Variants in RYR2 observed in about 807,000 individuals in gnomAD.
The protein encoded by RYR2 is cardiac muscle ryanodine receptor-calcium release channel.
Under a neutral mutation model 601.1 loss-of-function variants are expected in RYR2, and 227 were observed. The observed-to-expected ratio is 0.38, with a 90% CI of 0.34 to 0.42. RYR2 has a LOEUF of 0.42. RYR2 is among the 10% of genes least tolerant of loss of function. The probability of loss-of-function intolerance (pLI) is 1.00; values close to 1 mark genes in which losing one functional copy is unlikely to be tolerated. For synonymous variants in RYR2, 2,223 were observed against 2,175.1 expected, an observed-to-expected ratio of 1.02 and a Z score of -0.61; for missense variants, 4,646 against 6,156.5, an observed-to-expected ratio of 0.75 and a Z score of 8.21.
At chr1:237,759,934 T>A (rs892316506) in intron 83 of RYR2, 82 bp downstream of exon 83, 4 of 838,968 alleles carry the variant, frequency 4.8e-6, no homozygotes, top group Non-Finnish European at 8.0e-6. Flanking sequence ...TGACGATAAT[T>A]GCACATAGAA....
At chr1:237,619,306 C>G (rs1678819991) in intron 38 of RYR2, among the ~76,000 whole-genome samples, 1 of 152,168 alleles carries the variant, frequency 6.6e-6, no homozygotes, top group African/African-American at 2.4e-5. Flanking sequence ...TAGAAAGCCT[C>G]AACGGCAGAG....
chr1:237,725,841 G>T (rs1289771859), intron 74 of RYR2, among the ~76,000 whole-genome samples: 1 of 152,018 alleles, frequency 6.6e-6, no homozygotes, highest in Non-Finnish European at 1.5e-5. Flanking sequence ...AAATATGTTT[G>T]TCAACTGTCA....
At chr1:237,316,267 A>G (rs1379431752) in intron 2 of RYR2, among the ~76,000 whole-genome samples, 3 of 152,178 alleles carry the variant, frequency 2.0e-5, no homozygotes, top group Non-Finnish European at 4.4e-5. Flanking sequence ...AAAAATATAT[A>G]TGAATATATT....
At chr1:237,288,347 C>A (rs1484873441) in intron 2 of RYR2, among the ~76,000 whole-genome samples, 1 of 152,138 alleles carries the variant, frequency 6.6e-6, no homozygotes, top group African/African-American at 2.4e-5. Context: ...TTGGGAGGAA[C>A]TGGCGGTGGG....
At chr1:237,492,543 C>G (rs553408356) in intron 18 of RYR2, among the ~76,000 whole-genome samples, 45 of 152,024 alleles carry the variant, frequency 3.0e-4, no homozygotes, top group Non-Finnish European at 5.6e-4. Flanking sequence ...AGGGGGAATT[C>G]GAATCAGCTG....
At chr1:237,133,997 T>C (rs1050906235) in intron 1 of RYR2, among the ~76,000 whole-genome samples, 1 of 151,892 alleles carries the variant, frequency 6.6e-6, no homozygotes, top group African/African-American at 2.4e-5. Context: ...CCCTTTTGGT[T>C]GTCCACGTTT....
intron 1 of RYR2, among the ~76,000 whole-genome samples, chr1:237,169,434 G>T (rs1677092200): frequency 6.6e-6 from 1 of 151,956 alleles, no homozygotes; most frequent in Non-Finnish European, 1.5e-5. Context: ...GAGTAGCTGG[G>T]ATTACAGGTA....
chr1:237,149,316 A>T (rs966925876), intron 1 of RYR2, among the ~76,000 whole-genome samples: 1 of 152,070 alleles, frequency 6.6e-6, no homozygotes, highest in African/African-American at 2.4e-5. Context: ...CAAAAACAAA[A>T]ACAAAAACAA....
chr1:237,701,389 G>A (rs1238927889), intron 65 of RYR2, among the ~76,000 whole-genome samples: 2 of 151,928 alleles, frequency 1.3e-5, no homozygotes, highest in South Asian at 2.1e-4. Flanking sequence ...AAATTAGCTG[G>A]GCATGATGGT....
intron 38 of RYR2, among the ~76,000 whole-genome samples, chr1:237,621,722 A>T (rs777793136): frequency 1.4e-4 from 22 of 152,340 alleles, no homozygotes; most frequent in Non-Finnish European, 2.8e-4. Context: ...ATGGTACCTC[A>T]TAAATACATA....
intron 20 of RYR2, among the ~76,000 whole-genome samples, chr1:237,497,360 T>C (rs1055778151): frequency 6.6e-6 from 1 of 152,204 alleles, no homozygotes; most frequent in Non-Finnish European, 1.5e-5. Context: ...TGGTTGAGTA[T>C]ATATTAAAAA....
At chr1:237,237,228 G>A (rs1013146605) in intron 1 of RYR2, among the ~76,000 whole-genome samples, 4 of 152,178 alleles carry the variant, frequency 2.6e-5, no homozygotes, top group African/African-American at 9.7e-5. Context: ...TTATAGTGGT[G>A]TGAGAAAAGA....
chr1:237,439,469 A>AG (rs1707698150), intron 12 of RYR2, among the ~76,000 whole-genome samples: 2 of 151,670 alleles, frequency 1.3e-5, no homozygotes, highest in African/African-American at 2.4e-5. Flanking sequence ...ACATGGTGCA[A>AG]TCTGTCTCTA....
chr1:237,607,570 A>G (rs892628377), intron 35 of RYR2, among the ~76,000 whole-genome samples: 11 of 152,332 alleles, frequency 7.2e-5, no homozygotes, highest in Admixed American at 6.5e-5. Flanking sequence ...AAGTTAAAGT[A>G]TAATAAAAAA....
intron 3 of RYR2, 136 bp from the exon 4 acceptor site, chr1:237,355,829 A>G (rs1391385409): frequency 6.9e-6 from 5 of 725,912 alleles, no homozygotes; most frequent in Non-Finnish European, 1.1e-5. Flanking sequence ...CTTGAATACA[A>G]TTTTTTATGC....
intron 17 of RYR2, among the ~76,000 whole-genome samples, chr1:237,483,239 C>T (rs1489821415): frequency 6.6e-6 from 1 of 152,182 alleles, no homozygotes; most frequent in Non-Finnish European, 1.5e-5. Context: ...CATCACTGCT[C>T]CACAAAGGAG....
At chr1:237,721,023 C>T (rs933817314) in intron 73 of RYR2, among the ~76,000 whole-genome samples, 2 of 152,126 alleles carry the variant, frequency 1.3e-5, no homozygotes, top group African/African-American at 4.8e-5. Context: ...TTTTATTCTA[C>T]ACTTTCTTAA....
chr1:237,605,127 A>G (rs1159476490), intron 35 of RYR2, among the ~76,000 whole-genome samples: 1 of 152,202 alleles, frequency 6.6e-6, no homozygotes, highest in Non-Finnish European at 1.5e-5. Context: ...CAAAAAAAAG[A>G]ACTTTAGACC....
intron 27 of RYR2, among the ~76,000 whole-genome samples, chr1:237,558,347 A>G (rs1174099270): frequency 6.6e-6 from 1 of 152,212 alleles, no homozygotes; most frequent in Non-Finnish European, 1.5e-5. Context: ...CTGGATTAGA[A>G]GCCTTGAAGA....
Sources: gnomAD v4.1 joint callset for allele counts (sites outside exome capture counted in the v4.1 genomes callset) on GRCh38, gnomAD v4.1.1 for gene constraint, MANE v1.5 for transcripts, NCBI Gene and HGNC (gene_info 2026-07-23, HGNC 2026-07-21) for gene names.